TMEM214: variants seen among roughly 807,000 people sequenced by gnomAD.
TMEM214 encodes transmembrane protein 214.
A neutral mutation model predicts 89.8 loss-of-function variants in TMEM214; 71 were observed. That is an observed-to-expected ratio of 0.79 (90% confidence interval 0.65 to 0.96). The LOEUF is 0.96. Among genes scored for constraint, TMEM214 ranks in the 40% least tolerant of loss-of-function variants. TMEM214 has a pLI of 0.00. For synonymous variants in TMEM214, 332 were observed against 349.5 expected (o/e 0.95, Z 0.56); for missense variants, 754 against 843.4 (o/e 0.89, Z 1.31).
Position 27,040,638 on chromosome 2 carries a change from T to C in TMEM214, c.1944-73T>C, listed in dbSNP as rs1667798114. 3.1e-6 allele frequency: 5 copies of C among 1,596,848 alleles called. No homozygotes were observed. In the South Asian group the frequency reaches 5.5e-5, roughly 18 times the overall value. On this transcript the variant is annotated intron_variant, in intron 16 of 16. Coordinates refer to ENST00000238788, the MANE Select transcript of TMEM214 (RefSeq NM_017727.5). ...GCCACCCTGGGATGAGGGTTGTGGG[T>C]CTAAGCTTTCATCCCCGAAAGTTGA...
rs759412175 is a variant in TMEM214 at position 27,038,828 on chromosome 2, G to T, written c.1407+13G>T. ...CATGGCCTGCAAGGTGCTGGCACCC[G>T]GTCCTCTCCAGCCCACACGCTATCT... On this transcript the variant is annotated intron_variant, in intron 12 of 16. Transcript: ENST00000238788. The surrounding 1 kb of genome is among the most constrained non-coding windows in gnomAD (Gnocchi z 4.4). 1.2e-6 allele frequency: 2 copies of T among 1,607,012 alleles called. No homozygotes were observed. The highest frequency in any genetic ancestry group is 1.7e-6 in the Non-Finnish European group (2 of 1,173,898).
In TMEM214 at chr2:27,040,035, TG is replaced by T; in HGVS notation, c.1633del (p.Glu545ArgfsTer62). The T allele has an allele frequency of 1.2e-6, 2 of 1,604,302 alleles. No individual in the cohort carries two copies. On this transcript the variant is annotated frameshift_variant, in exon 15 of 17. Coordinates refer to ENST00000238788, the MANE Select transcript of TMEM214 (RefSeq NM_017727.5). LOFTEE classifies it high-confidence loss of function. ...CCCACTTCCATCTTCCACAGCTGGC[TG>T]GGGGAGACACTGCCGCTCTGGGGCT... ...YSYSLQGYSW[L>X]GETLPLWGSH...
At chr2:27,035,333 A>G in intron 3 of TMEM214, 48 bp downstream of exon 3, 1 of 1,612,248 alleles carries the variant, frequency 6.2e-7, no homozygotes. Flanking sequence ...AAATAAATTC[A>G]AAAAGGGTGG....
At chr2:27,035,897 G>A (rs140271152) in intron 4 of TMEM214, 73 bp from the exon 5 acceptor site, 291 of 1,586,804 alleles carry the variant, frequency 1.8e-4, no homozygotes, top group East Asian at 1.5e-3. Context: ...TGGGCTCACC[G>A]CTGACAAATG....
rs776741480 is a variant in TMEM214, at chr2:27,040,199, G to A, written c.1791+1G>A. The A allele has an allele frequency of 1.2e-6, 2 of 1,605,622 alleles. No individual in the cohort carries two copies. The highest frequency in any genetic ancestry group is 1.7e-5 in the Admixed American group (1 of 60,030). On this transcript the variant is annotated splice_donor_variant, in intron 15 of 16. Coordinates refer to ENST00000238788, the MANE Select transcript of TMEM214 (RefSeq NM_017727.5). LOFTEE classifies it high-confidence loss of function. ...CAGTCTCACCAGTCTCTCTCAGAGGGTAAGTCAGAGACAGGGAGTCAAATA... is the reference window on the plus strand; with the variant it reads ...CAGTCTCACCAGTCTCTCTCAGAGGATAAGTCAGAGACAGGGAGTCAAATA...
Position 27,039,086 on chromosome 2 carries a change from A to T in TMEM214, c.1447A>T (p.Thr483Ser). The T allele has an allele frequency of 6.2e-7, 1 of 1,613,838 alleles. No homozygotes were observed. The highest frequency in any genetic ancestry group is 8.5e-7 in the Non-Finnish European group (1 of 1,180,024). Residue 483 changes from threonine to serine, a missense_variant, in exon 13 of 17, where the codon ACG (threonine) becomes TCG (serine). Transcript: ENST00000238788. Reference protein sequence around the residue: ...QQVQGPRLPWTRLLLLLLVFA... With the variant: ...QQVQGPRLPWSRLLLLLLVFA... Reference sequence around the variant, plus strand: ...GGTTCAGGGTCCTCGGCTGCCCTGGACGCGGCTCCTCCTGTTGCTGCTGGT... The same window carrying T: ...GGTTCAGGGTCCTCGGCTGCCCTGGTCGCGGCTCCTCCTGTTGCTGCTGGT...
In TMEM214 at chr2:27,040,347, A is replaced by G; in HGVS notation, c.1794A>G (p.Leu598=). ...GDSLTSLSQR[L]QIQLPDSVNQ... ...CCCATCCATTCTCCATGGTCCAGCT[A>G]CAGATCCAGCTCCCCGATTCCGTGA... Residue 598 remains leucine (L), a splice_region_variant and synonymous_variant, in exon 16 of 17, where the codon CTA becomes CTG. Transcript: ENST00000238788. The G allele has an allele frequency of 6.2e-7, 1 of 1,614,184 alleles. No homozygotes were observed. Among genetic ancestry groups the G allele is most frequent in the Admixed American group, 1.7e-5 (1 of 60,028 alleles).
chr2:27,037,928 A>C, intron 9 of TMEM214: 3 of 1,549,786 alleles, frequency 1.9e-6, no homozygotes, highest in Non-Finnish European at 2.6e-6. Flanking sequence ...TCTTGCAGAT[A>C]GTGATCTTTG....
rs1271186253 is a variant in TMEM214, at chr2:27,040,383, C to G, written c.1830C>G (p.Leu610=). 1 of 1,614,242 alleles carries G rather than the reference C, an allele frequency of 6.2e-7. No homozygotes were observed. The highest frequency in any genetic ancestry group is 2.2e-5 in the East Asian group (1 of 44,886). ...IQLPDSVNQL[L]RYLRELPLLF... ...TCCCCGATTCCGTGAATCAGCTACT[C>G]CGCTATCTGAGAGAGCTGCCCCTGC... is the stretch of plus-strand genomic sequence containing the variant. The change falls in exon 16 of 17, where the codon CTC becomes CTG. Residue 610 remains leucine (L), a synonymous_variant. Transcript: ENST00000238788.
chr2:27,040,388 A>C lies in TMEM214; in HGVS notation c.1835A>C (p.Tyr612Ser), dbSNP rs766782710. ...GATTCCGTGAATCAGCTACTCCGCT[A>C]TCTGAGAGAGCTGCCCCTGCTTTTC... Reference protein sequence around the residue: ...LPDSVNQLLRYLRELPLLFHQ... With the variant: ...LPDSVNQLLRSLRELPLLFHQ... Residue 612 changes from tyrosine to serine, a missense_variant, in exon 16 of 17, where the codon TAT becomes TCT. Coordinates refer to ENST00000238788, the MANE Select transcript of TMEM214 (RefSeq NM_017727.5). 3.7e-6 allele frequency: 6 copies of C among 1,614,108 alleles called. No homozygotes were observed. The highest frequency in any genetic ancestry group is 3.3e-5 in the Admixed American group (2 of 60,008).
chr2:27,033,871 A>G (rs921922350), intron 1 of TMEM214, among the ~76,000 whole-genome samples, 196 bp from the exon 2 acceptor site: 3 of 151,876 alleles, frequency 2.0e-5, no homozygotes, highest in African/African-American at 7.3e-5. Flanking sequence ...GAGCCCATAG[A>G]CTCAAGAGCT....
chr2:27,037,722 C>G lies in TMEM214; in HGVS notation c.1152+20C>G, dbSNP rs1479037959. The G allele has an allele frequency of 1.2e-6, 2 of 1,614,026 alleles. No individual in the cohort carries two copies. Among genetic ancestry groups the G allele is most frequent in the African/African-American group, 1.3e-5 (1 of 74,930 alleles). The stretch of plus-strand genomic sequence containing the variant: ...AAAGAGGTGAGGATATGGTGGGAGG[C>G]TTTTTCTCCTTCCCCAGGGGTCAGC... On this transcript the variant is annotated intron_variant, in intron 9 of 16. Coordinates refer to ENST00000238788, the MANE Select transcript of TMEM214 (RefSeq NM_017727.5).
At chr2:27,036,976 GT>G in intron 7 of TMEM214, 100 bp from the exon 8 acceptor site, 1 of 1,182,484 alleles carries the variant, frequency 8.5e-7, no homozygotes. Context: ...ATGGGGTAGA[GT>G]TTATACCCTT....
In TMEM214 at chr2:27,032,995, G is replaced by T. The variant is rs1198129230; in HGVS notation, c.-21G>T. 1 of 1,245,666 alleles carries T rather than the reference G, an allele frequency of 8.0e-7. No individual in the cohort carries two copies. Among genetic ancestry groups the T allele is most frequent in the Non-Finnish European group, 1.0e-6 (1 of 987,504 alleles). The allele number at this position is 1,245,666 out of a possible 1,614,324, so 77.2% of individuals were successfully genotyped here. A position where few individuals can be genotyped will look rare whatever the true frequency, so the allele number is the denominator to read the frequency against. On this transcript the variant is annotated 5_prime_UTR_variant, in exon 1 of 17. Coordinates refer to ENST00000238788, the MANE Select transcript of TMEM214 (RefSeq NM_017727.5). ...GGACCGGAAAGCCGGGGAAGTGGCC[G>T]AGGAGGGAGGGCTGCGAGCCATGGC...
intron 14 of TMEM214, 36 bp from the exon 15 acceptor site, chr2:27,039,994 C>T: frequency 6.3e-7 from 1 of 1,596,552 alleles, no homozygotes; most frequent in South Asian, 1.1e-5. Flanking sequence ...CCTGAGGAGA[C>T]TCAGAGCCCT....
Position 27,040,886 on chromosome 2 carries a change from C to G in TMEM214, c.*49C>G. ...TTCTGCATGGGTAGACCATCCAAGA[C>G]TGCAGCGGGTAGAAGGTGGCAGTTC... is the stretch of plus-strand genomic sequence containing the variant. On this transcript the variant is annotated 3_prime_UTR_variant, in exon 17 of 17. Coordinates refer to ENST00000238788, the MANE Select transcript of TMEM214 (RefSeq NM_017727.5). 1 of 1,594,408 alleles carries G rather than the reference C, an allele frequency of 6.3e-7. No individual in the cohort carries two copies. Among genetic ancestry groups the G allele is most frequent in the Non-Finnish European group, 8.6e-7 (1 of 1,164,198 alleles).
At position 27,037,059 on chromosome 2, in the gene TMEM214, GT is replaced by G. The variant is rs1311469554; in HGVS notation, c.909-15del. ...ATGGGTGGTGGTGTCCAGCGAGCCTGTTTCTTCATCCCCACAGGATGCATCC... is the reference window on the plus strand; with the variant it reads ...ATGGGTGGTGGTGTCCAGCGAGCCTGTTCTTCATCCCCACAGGATGCATCC... On this transcript the variant is annotated splice_polypyrimidine_tract_variant and intron_variant, in intron 7 of 16. Coordinates refer to ENST00000238788, the MANE Select transcript of TMEM214 (RefSeq NM_017727.5). 1 of 1,610,902 alleles carries G rather than the reference GT, an allele frequency of 6.2e-7. No homozygotes were observed.
intron 3 of TMEM214, 93 bp downstream of exon 3, chr2:27,035,378 T>A: frequency 6.5e-7 from 1 of 1,537,172 alleles, no homozygotes; most frequent in Non-Finnish European, 8.9e-7. Flanking sequence ...CTGTCCTGAT[T>A]TCCATGGGTG....
At position 27,035,963 on chromosome 2, in the gene TMEM214, T is replaced by A. The variant is rs1361493402; in HGVS notation, c.638-7T>A. On this transcript the variant is annotated splice_polypyrimidine_tract_variant and splice_region_variant and intron_variant, in intron 4 of 16. Coordinates refer to ENST00000238788, the MANE Select transcript of TMEM214 (RefSeq NM_017727.5). ...GTGAGTAGGTGTGAGAATGTGTATC[T>A]CTCCAGGGGAGTCACTACATGGTTA... The A allele has an allele frequency of 4.3e-6, 7 of 1,613,754 alleles. No individual in the cohort carries two copies. The African/African-American group carries it at 8.0e-5, about 18-fold the overall frequency.
Sources: gnomAD v4.1 joint callset for allele counts (sites outside exome capture counted in the v4.1 genomes callset) on GRCh38, gnomAD v4.1.1 for gene constraint, Gnocchi (gnomAD v3.1) non-coding constraint, MANE v1.5 for transcripts, NCBI Gene and HGNC (gene_info 2026-07-23, HGNC 2026-07-21) for gene names.